XRCC5: variants seen among roughly 807,000 people sequenced by gnomAD.
XRCC5 encodes DNA repair protein Ku80.
XRCC5 carries 12 observed loss-of-function variants against 95.7 expected under a neutral mutation model. That is an observed-to-expected ratio of 0.13 (90% CI 0.08 to 0.20). XRCC5 has a LOEUF of 0.20. Among genes scored for constraint, XRCC5 ranks in the 10% least tolerant of loss-of-function variants. The pLI, the probability that XRCC5 is intolerant of heterozygous loss-of-function variation, is 1.00. For synonymous variants in XRCC5, 281 were observed against 290.3 expected (o/e 0.97, Z 0.33); for missense variants, 595 against 873.9 (o/e 0.68, Z 4.02).
Position 216,130,934 on chromosome 2 carries a change from T to C in XRCC5, c.997T>C (p.Tyr333His). ...FSKVDEEQMK[Y>H]KSEGKCFSVL... is the part of the protein sequence containing the mutation. ...TAAAGTGGATGAGGAACAAATGAAA[T>C]ATAAATCGGAGGGGAAGTGCTTCTC... The change falls in exon 9 of 21, where the codon TAT (tyrosine) becomes CAT (histidine). Residue 333 changes from tyrosine (Y) to histidine (H), a missense_variant. Physicochemically the swap from Tyr to His is moderately conservative, Grantham distance 83 (BLOSUM62 2). This residue lies in a region of XRCC5 where 286 missense variants were observed against 491.1 expected (regional missense o/e 0.58). Coordinates refer to ENST00000392132, the MANE Select transcript of XRCC5 (RefSeq NM_021141.4). 1 of 1,613,788 alleles carries C rather than the reference T, an allele frequency of 6.2e-7. No individual in the cohort carries two copies. The highest frequency in any genetic ancestry group is 8.5e-7 in the Non-Finnish European group (1 of 1,179,856).
chr2:216,124,244 AGTT>A (rs1272427664), intron 6 of XRCC5, among the ~76,000 whole-genome samples: 1 of 152,100 alleles, frequency 6.6e-6, no homozygotes, highest in African/African-American at 2.4e-5. Context: ...GAACTGAGTC[AGTT>A]GTTCTTAGAT....
At chr2:216,119,295 A>G in intron 5 of XRCC5, 130 bp downstream of exon 5, 1 of 942,066 alleles carries the variant, frequency 1.1e-6, no homozygotes, top group Non-Finnish European at 1.6e-6. Flanking sequence ...CTGTCAGATG[A>G]CTGACTACTC....
chr2:216,197,126 G>A (rs41296773), intron 19 of XRCC5, among the ~76,000 whole-genome samples: 2 of 152,294 alleles, frequency 1.3e-5, no homozygotes, highest in Non-Finnish European at 2.9e-5. Context: ...TCTGAAAACA[G>A]ATGATGCACT....
intron 13 of XRCC5, among the ~76,000 whole-genome samples, chr2:216,144,998 C>T (rs139445954): frequency 8.5e-5 from 13 of 152,216 alleles, no homozygotes; most frequent in South Asian, 6.2e-4. Flanking sequence ...CAGGAAGAGA[C>T]GAGTTGGAAA....
At chr2:216,135,102 TG>T (rs1225236845) in intron 10 of XRCC5, among the ~76,000 whole-genome samples, 16 of 151,768 alleles carry the variant, frequency 1.1e-4, no homozygotes, top group East Asian at 5.8e-4. Context: ...TTTTTTTGTT[TG>T]TTTGTTTGTT....
chr2:216,164,881 G>A (rs1262321893), intron 16 of XRCC5, among the ~76,000 whole-genome samples: 1 of 152,156 alleles, frequency 6.6e-6, no homozygotes, highest in Non-Finnish European at 1.5e-5. Flanking sequence ...GCACACAGGA[G>A]GCCAGAGTCT....
In XRCC5 at chr2:216,138,133, A is replaced by G; in HGVS notation, c.1296A>G (p.Gln432=). 5 of 1,613,472 alleles carry G rather than the reference A, an allele frequency of 3.1e-6. No homozygotes were observed. Among genetic ancestry groups the G allele is most frequent in the Admixed American group, 3.3e-5 (2 of 60,012 alleles). Residue 432 remains glutamine (Q), a synonymous_variant, in exon 12 of 21, where the codon CAA becomes CAG. Coordinates refer to ENST00000392132, the MANE Select transcript of XRCC5 (RefSeq NM_021141.4). ...VQLPFMEDLR[Q]YMFSSLKNSK... is the part of the protein sequence containing the mutation. ...TGCCTTTCATGGAAGACTTGCGGCA[A>G]TACATGTTTTCATCCTTGAAAAACA...
intron 8 of XRCC5, 71 bp from the exon 9 acceptor site, chr2:216,130,804 A>G (rs757710014): frequency 4.3e-5 from 43 of 996,020 alleles, no homozygotes; most frequent in Non-Finnish European, 6.6e-5. Context: ...TAATGTATGC[A>G]TGGAACTAAT....
intron 1 of XRCC5, chr2:216,111,319 T>G: frequency 7.3e-6 from 3 of 412,008 alleles, no homozygotes; most frequent in South Asian, 5.3e-5. Flanking sequence ...CCAAGGAGTT[T>G]GAGACCAGCC....
Position 216,194,996 on chromosome 2 carries a change from G to A in XRCC5, c.2109+10G>A, listed in dbSNP as rs201878540. ...TGAGGAAGCCAAAAAGGTATTGAGG[G>A]GTAAACCTTTGTCTTTAGTTGAATT... is the stretch of plus-strand genomic sequence containing the variant. On this transcript the variant is annotated intron_variant, in intron 19 of 20. Coordinates refer to ENST00000392132, the MANE Select transcript of XRCC5 (RefSeq NM_021141.4). The A allele has an allele frequency of 3.1e-6, 5 of 1,613,152 alleles. No homozygotes were observed. The East Asian group carries it at 1.1e-4, about 36-fold the overall frequency.
intron 14 of XRCC5, among the ~76,000 whole-genome samples, chr2:216,152,108 G>A (rs749733234): frequency 8.5e-5 from 13 of 152,056 alleles, no homozygotes; most frequent in African/African-American, 3.1e-4. Flanking sequence ...CTTCCCACCC[G>A]CTCTCTCCCT....
intron 19 of XRCC5, among the ~76,000 whole-genome samples, chr2:216,196,493 C>G (rs1006811913): frequency 6.6e-6 from 1 of 152,106 alleles, no homozygotes; most frequent in African/African-American, 2.4e-5. Context: ...ACCAAGAGAA[C>G]GTACATGTGT....
intron 19 of XRCC5, among the ~76,000 whole-genome samples, chr2:216,197,632 A>C (rs1227831640): frequency 6.6e-6 from 1 of 152,164 alleles, no homozygotes; most frequent in Non-Finnish European, 1.5e-5. Context: ...GTGTGCTTCC[A>C]GTACTACCAG....
At chr2:216,118,301 T>C (rs1696740042) in intron 4 of XRCC5, among the ~76,000 whole-genome samples, 1 of 151,970 alleles carries the variant, frequency 6.6e-6, no homozygotes, top group Non-Finnish European at 1.5e-5. Context: ...CTCAGCCTCC[T>C]GAGTAGCTGG....
At chr2:216,116,895 T>C (rs1696707475) in intron 3 of XRCC5, 53 bp downstream of exon 3, 1 of 1,588,700 alleles carries the variant, frequency 6.3e-7, no homozygotes. Context: ...ATTCTGGGAA[T>C]CGTACAGCAG....
chr2:216,172,895 A>G (rs1281361993), intron 16 of XRCC5, among the ~76,000 whole-genome samples: 1 of 152,208 alleles, frequency 6.6e-6, no homozygotes, highest in East Asian at 1.9e-4. Context: ...ATAGTTACTC[A>G]TTTATTTAGA....
At chr2:216,145,654 G>A (rs1373817391) in intron 13 of XRCC5, among the ~76,000 whole-genome samples, 1 of 152,178 alleles carries the variant, frequency 6.6e-6, no homozygotes, top group Non-Finnish European at 1.5e-5. Flanking sequence ...TGCCTAAAAT[G>A]TGACCTTTCA....
intron 14 of XRCC5, among the ~76,000 whole-genome samples, chr2:216,151,556 A>G (rs1379631616): frequency 1.3e-5 from 2 of 152,200 alleles, no homozygotes; most frequent in Non-Finnish European, 2.9e-5. Context: ...GTGTGGCCTT[A>G]GGCATAGGTT....
At chr2:216,165,750 G>A (rs547240516) in intron 16 of XRCC5, among the ~76,000 whole-genome samples, 5 of 152,282 alleles carry the variant, frequency 3.3e-5, no homozygotes, top group Admixed American at 1.3e-4. Context: ...GGCGATCAGC[G>A]ATAGATAGTT....
Sources: gnomAD v4.1 joint callset for allele counts (sites outside exome capture counted in the v4.1 genomes callset) on GRCh38, gnomAD v4.1.1 for gene constraint, gnomAD v4.1.1 regional missense constraint, MANE v1.5 for transcripts, NCBI Gene and HGNC (gene_info 2026-07-23, HGNC 2026-07-21) for gene names.